The following MIA2 variants were observed in gnomAD, a reference collection of about 807,000 sequenced individuals.
MIA2 encodes melanoma inhibitory activity protein 2.
A neutral mutation model predicts 167.8 loss-of-function variants in MIA2; 127 were observed. The observed-to-expected ratio is 0.76, with a 90% confidence interval of 0.66 to 0.88. The LOEUF (loss-of-function observed/expected upper bound fraction) is 0.88. Ranked by LOEUF, MIA2 falls within the 40% of genes least tolerant of loss-of-function variation. MIA2 has a pLI of 0.00. For synonymous variants in MIA2, 552 were observed against 541.9 expected, an observed-to-expected ratio of 1.02 and a Z score of -0.26; for missense variants, 1,690 against 1,624.7, an observed-to-expected ratio of 1.04 and a Z score of -0.69.
intron 23 of MIA2, among the ~76,000 whole-genome samples, chr14:39,359,703 T>C (rs1459630654): frequency 1.3e-5 from 2 of 152,180 alleles, no homozygotes; most frequent in African/African-American, 4.8e-5. Context: ...CAGCCCCCTA[T>C]ACCACATTTT....
intron 7 of MIA2, among the ~76,000 whole-genome samples, chr14:39,277,608 CAA>C (rs994784309): frequency 7.1e-6 from 1 of 140,026 alleles, no homozygotes; most frequent in African/African-American, 2.6e-5. Context: ...CTCGGCCTCC[CAA>C]AGTCTTGGGA....
chr14:39,361,075 A>G, intron 23 of MIA2, among the ~76,000 whole-genome samples: 1 of 152,200 alleles, frequency 6.6e-6, no homozygotes, highest in East Asian at 1.9e-4. Context: ...TTTTGAAGTC[A>G]GATAATGTGA....
intron 25 of MIA2, among the ~76,000 whole-genome samples, chr14:39,332,751 C>T (rs899140459): frequency 3.3e-5 from 5 of 151,972 alleles, no homozygotes; most frequent in Non-Finnish European, 7.4e-5. Flanking sequence ...GGACTGCACC[C>T]GCTCTCTAAC....
chr14:39,339,249 C>T (rs1004827868), intron 25 of MIA2, among the ~76,000 whole-genome samples: 1 of 152,170 alleles, frequency 6.6e-6, no homozygotes, highest in Non-Finnish European at 1.5e-5. Flanking sequence ...TTCCTAACAG[C>T]CCGCGGAAAG....
chr14:39,301,029 TAC>T (rs1263790038), intron 14 of MIA2, among the ~76,000 whole-genome samples: 1 of 83,938 alleles, frequency 1.2e-5, no homozygotes, highest in African/African-American at 5.4e-5. Context: ...CACACATATA[TAC>T]ATATACATAC....
In MIA2 at chr14:39,347,906, G is replaced by A. The variant is rs1595894249; in HGVS notation, c.3837+135G>A. 5.2e-6 allele frequency: 4 copies of A among 769,730 alleles called. No homozygotes were observed. The East Asian group carries it at 1.3e-4, about 24-fold the overall frequency. 47.7% of individuals were successfully genotyped at this position (769,730 alleles called of 1,614,324 possible). A position where few individuals can be genotyped will look rare whatever the true frequency, so the allele number is the denominator to read the frequency against. ...GCGCTATCTCGGCTCACTGCAACCT[G>A]GGTTCAAGCAATTCTCCTGCCTCAG... On this transcript the variant is annotated intron_variant, in intron 27 of 28. Transcript: ENST00000640607.
rs558804206 is a variant in MIA2, at chr14:39,270,952, C to T, written c.1888-5982C>T. 7.2e-5 allele frequency among the ~76,000 whole-genome samples: 11 copies of T among 152,206 alleles called. No homozygotes were observed. The South Asian group carries it at 8.3e-4, about 12-fold the overall frequency. ...CTTGGTGTGTCCTTTGAAGCGTAAGCGTTCTAAATTTTGATTAAGTCTAAT... is the reference window on the plus strand; with the variant it reads ...CTTGGTGTGTCCTTTGAAGCGTAAGTGTTCTAAATTTTGATTAAGTCTAAT... On this transcript the variant is annotated intron_variant, in intron 6 of 28. Coordinates refer to ENST00000640607, the MANE Select transcript of MIA2 (RefSeq NM_001329214.4).
chr14:39,263,819 A>G (rs2055271242), intron 6 of MIA2, among the ~76,000 whole-genome samples: 1 of 151,794 alleles, frequency 6.6e-6, no homozygotes, highest in South Asian at 2.1e-4. Flanking sequence ...TTTTTAGTAG[A>G]GACGGGGTTT....
chr14:39,383,739 G>A (rs2075215105), intron 23 of MIA2, among the ~76,000 whole-genome samples: 1 of 152,140 alleles, frequency 6.6e-6, no homozygotes, highest in South Asian at 2.1e-4. Flanking sequence ...TTGTTGATAT[G>A]GAGAAAATTT....
At chr14:39,295,414 C>T (rs1349188770) in intron 13 of MIA2, among the ~76,000 whole-genome samples, 1 of 152,042 alleles carries the variant, frequency 6.6e-6, no homozygotes, top group Non-Finnish European at 1.5e-5. Context: ...TCTTTCTCCC[C>T]CACATACATA....
intron 23 of MIA2, among the ~76,000 whole-genome samples, chr14:39,384,540 A>G (rs956368825): frequency 6.6e-6 from 1 of 152,126 alleles, no homozygotes; most frequent in Non-Finnish European, 1.5e-5. Context: ...GGTTTTATTT[A>G]AACGTGTACA....
intron 23 of MIA2, among the ~76,000 whole-genome samples, chr14:39,380,691 C>CAAA (rs145179098): frequency 5.4e-4 from 46 of 84,980 alleles, no homozygotes; most frequent in East Asian, 2.0e-3. Flanking sequence ...GACTCAGACT[C>CAAA]AAAAAAAAAA....
intron 4 of MIA2, 174 bp downstream of exon 4, chr14:39,248,315 T>A (rs1397056039): frequency 2.7e-6 from 1 of 375,892 alleles, no homozygotes; most frequent in East Asian, 5.2e-5. Flanking sequence ...AAATAAAATC[T>A]CAACAGAAAA....
At chr14:39,259,705 T>G (rs1290536677) in intron 6 of MIA2, among the ~76,000 whole-genome samples, 4 of 150,410 alleles carry the variant, frequency 2.7e-5, no homozygotes, top group Non-Finnish European at 1.5e-5. Context: ...TAGGTTTTTT[T>G]TTTTTTTTTT....
At chr14:39,352,770 A>G (rs929695516), downstream of MIA2, among the ~76,000 whole-genome samples, 1 of 152,224 alleles carries the variant, frequency 6.6e-6, no homozygotes, top group Non-Finnish European at 1.5e-5. Context: ...CTAGAAGTGT[A>G]TATGTTGTAC....
chr14:39,289,681 C>G (rs969157551), intron 9 of MIA2, among the ~76,000 whole-genome samples: 1 of 152,190 alleles, frequency 6.6e-6, no homozygotes, highest in African/African-American at 2.4e-5. Flanking sequence ...TGGGATCTCA[C>G]TATGTTGCCC....
intron 9 of MIA2, among the ~76,000 whole-genome samples, chr14:39,285,429 C>A (rs1184952146): frequency 7.6e-6 from 1 of 131,198 alleles, no homozygotes; most frequent in Admixed American, 7.4e-5. Flanking sequence ...CGGGGGCTGA[C>A]CCCCCCACCT....
chr14:39,380,918 C>T (rs944379838), intron 23 of MIA2, among the ~76,000 whole-genome samples: 3 of 151,524 alleles, frequency 2.0e-5, no homozygotes, highest in African/African-American at 7.3e-5. Context: ...AGTGCTTTTA[C>T]AGTGCATTTT....
chr14:39,359,325 C>A (rs2074618266), intron 23 of MIA2, among the ~76,000 whole-genome samples: 1 of 152,212 alleles, frequency 6.6e-6, no homozygotes, highest in Non-Finnish European at 1.5e-5. Flanking sequence ...ATGAGTGAGG[C>A]TCCGTGGGCG....
Sources: allele counts gnomAD v4.1 joint callset (sites outside exome capture counted in the v4.1 genomes callset), GRCh38; gene constraint gnomAD v4.1.1; transcripts MANE v1.5; gene names NCBI Gene and HGNC (gene_info 2026-07-23, HGNC 2026-07-21).